The following SCHIP1 variants were observed in gnomAD, a reference collection of about 807,000 sequenced individuals.
SCHIP1 encodes schwannomin interacting protein 1.
In SCHIP1, 8 loss-of-function variants were observed where a neutral mutation model predicts 29.7. The ratio of observed to expected loss-of-function variants is 0.27; its 90% CI spans 0.16 to 0.49. The LOEUF (loss-of-function observed/expected upper bound fraction) is 0.49, where lower values mean the gene tolerates loss of function less well. SCHIP1 is among the 20% of genes least tolerant of loss of function. The pLI is 0.99. For synonymous variants in SCHIP1, 76 were observed against 94.9 expected (o/e 0.80, Z 1.16); for missense variants, 193 against 294.6 (o/e 0.66, Z 2.52).
At chr3:159,787,417 T>A in the SCHIP1 span, among the ~76,000 whole-genome samples, 1 of 152,302 alleles carries the variant, frequency 6.6e-6, no homozygotes, top group South Asian at 2.1e-4. Flanking sequence ...CTCTGGACAC[T>A]AGATGACTGT....
chr3:159,611,532 G>T, the SCHIP1 span, among the ~76,000 whole-genome samples: 2 of 149,674 alleles, frequency 1.3e-5, no homozygotes, highest in Admixed American at 6.7e-5. Flanking sequence ...CGTGTTGGGG[G>T]GTGGGGGGGA....
the SCHIP1 span, among the ~76,000 whole-genome samples, chr3:159,277,700 T>A: frequency 0.027 from 4,043 of 152,066 alleles, 76 homozygotes; most frequent in Non-Finnish European, 0.038. Flanking sequence ...GGTGGGTGGA[T>A]CACCTGAGGT....
chr3:159,574,414 G>C, the SCHIP1 span, among the ~76,000 whole-genome samples: 1 of 152,204 alleles, frequency 6.6e-6, no homozygotes, highest in Non-Finnish European at 1.5e-5. Flanking sequence ...CTCCAGACCT[G>C]TTTGCCTAGG....
At chr3:159,506,891 C>T in the SCHIP1 span, among the ~76,000 whole-genome samples, 1 of 152,204 alleles carries the variant, frequency 6.6e-6, no homozygotes, top group African/African-American at 2.4e-5. Flanking sequence ...AGTTTGAAGT[C>T]AGGTAGCGTG....
At chr3:159,641,392 G>A in the SCHIP1 span, among the ~76,000 whole-genome samples, 792 of 152,200 alleles carry the variant, frequency 5.2e-3, 6 homozygotes, top group African/African-American at 0.018. Context: ...TTTGCATAGA[G>A]CTATGCTCTG....
At chr3:159,681,630 C>T in the SCHIP1 span, among the ~76,000 whole-genome samples, 2 of 152,158 alleles carry the variant, frequency 1.3e-5, no homozygotes. Flanking sequence ...GAATAATAGT[C>T]CATGGAGTCA....
At chr3:159,788,594 C>G in the SCHIP1 span, among the ~76,000 whole-genome samples, 2 of 152,110 alleles carry the variant, frequency 1.3e-5, no homozygotes, top group Admixed American at 6.5e-5. Flanking sequence ...TTCCAAGAGC[C>G]CCCTCTCAGG....
At chr3:159,660,914 T>TATCC in the SCHIP1 span, among the ~76,000 whole-genome samples, 1 of 152,146 alleles carries the variant, frequency 6.6e-6, no homozygotes. Flanking sequence ...TCCATCTATC[T>TATCC]ATCCATCCAT....
At chr3:159,470,676 A>ATCTG in the SCHIP1 span, among the ~76,000 whole-genome samples, 2 of 152,064 alleles carry the variant, frequency 1.3e-5, no homozygotes, top group African/African-American at 4.8e-5. Context: ...TTCCTCTCAA[A>ATCTG]TCTGTCTGTC....
At chr3:159,275,284 G>T in the SCHIP1 span, 1 of 165,252 alleles carries the variant, frequency 6.1e-6, no homozygotes, top group Non-Finnish European at 1.3e-5. Flanking sequence ...TGGTTTAATA[G>T]GTAAGTAGGA....
the SCHIP1 span, among the ~76,000 whole-genome samples, chr3:159,415,512 G>A: frequency 1.1e-4 from 17 of 152,034 alleles, no homozygotes; most frequent in African/African-American, 3.9e-4. Flanking sequence ...ATGAGTTCTC[G>A]TCATTGAATT....
At chr3:159,282,452 G>T in the SCHIP1 span, among the ~76,000 whole-genome samples, 2 of 146,666 alleles carry the variant, frequency 1.4e-5, no homozygotes, top group African/African-American at 2.5e-5. Context: ...TTCCTAGATT[G>T]CATATTTCAA....
At chr3:159,289,463 T>G in the SCHIP1 span, among the ~76,000 whole-genome samples, 1 of 152,116 alleles carries the variant, frequency 6.6e-6, no homozygotes, top group Non-Finnish European at 1.5e-5. Flanking sequence ...ATCACAGTCC[T>G]TGTGTTTGGA....
At chr3:159,459,688 T>C in the SCHIP1 span, among the ~76,000 whole-genome samples, 2 of 152,106 alleles carry the variant, frequency 1.3e-5, no homozygotes, top group Non-Finnish European at 2.9e-5. Flanking sequence ...AAAACAGAAT[T>C]ATTGCTGATC....
the SCHIP1 span, among the ~76,000 whole-genome samples, chr3:159,686,355 ACAAAC>A: frequency 2.0e-5 from 3 of 152,226 alleles, no homozygotes; most frequent in Non-Finnish European, 4.4e-5. Context: ...AGAAGAAAAT[ACAAAC>A]CTCTTCCAGA....
chr3:159,828,017 C>A, the SCHIP1 span, among the ~76,000 whole-genome samples: 1 of 151,508 alleles, frequency 6.6e-6, no homozygotes, highest in African/African-American at 2.4e-5. Context: ...CAATTGAAAT[C>A]TAATTTTTTT....
At chr3:159,663,130 T>A in the SCHIP1 span, among the ~76,000 whole-genome samples, 58 of 152,314 alleles carry the variant, frequency 3.8e-4, 1 homozygote, top group Middle Eastern at 3.4e-3. Context: ...AAAGACCTTA[T>A]CTAACCTCCA....
chr3:159,857,152 C>T (rs1395778116), intron 1 of SCHIP1, among the ~76,000 whole-genome samples: 4 of 152,178 alleles, frequency 2.6e-5, no homozygotes, highest in African/African-American at 9.7e-5. Context: ...CTTCCTGGCT[C>T]GTGGTTCAGG....
At chr3:159,348,743 C>CTCTT in the SCHIP1 span, among the ~76,000 whole-genome samples, 8 of 152,204 alleles carry the variant, frequency 5.3e-5, no homozygotes, top group East Asian at 3.9e-4. Context: ...GAAACATAAA[C>CTCTT]TCTTTAGGTT....
Sources: allele counts gnomAD v4.1 joint callset (sites outside exome capture counted in the v4.1 genomes callset), GRCh38; gene constraint gnomAD v4.1.1; transcripts MANE v1.5; gene names NCBI Gene and HGNC (gene_info 2026-07-23, HGNC 2026-07-21).